Variants in TP73 observed in about 807,000 individuals in gnomAD.
The protein encoded by TP73 is p53-like transcription factor.
A neutral mutation model predicts 62.5 loss-of-function variants in TP73; 25 were observed. That is an observed-to-expected ratio of 0.40 (90% CI 0.29 to 0.56). TP73 has a LOEUF of 0.56. Ranked by LOEUF, TP73 falls within the 20% of genes least tolerant of loss-of-function variation. The pLI is 0.46. For synonymous variants in TP73, 423 were observed against 377.5 expected, an observed-to-expected ratio of 1.12 and a Z score of -1.40; for missense variants, 754 against 913.3, an observed-to-expected ratio of 0.83 and a Z score of 2.25.
chr1:3,724,890 A>T (rs1360404605), intron 6 of TP73, among the ~76,000 whole-genome samples: 1 of 152,216 alleles, frequency 6.6e-6, no homozygotes, highest in Admixed American at 6.5e-5. Context: ...CTCGTGGCGC[A>T]TGCCTGTAAT....
chr1:3,711,158 T>A (rs1057214820), intron 4 of TP73, among the ~76,000 whole-genome samples: 2 of 152,174 alleles, frequency 1.3e-5, no homozygotes, highest in African/African-American at 4.8e-5. Context: ...CCAGCCATGG[T>A]GGGGACAAAG....
Position 3,701,562 on chromosome 1 carries a change from T to G in TP73, c.187-5987T>G, listed in dbSNP as rs1016458520. The stretch of plus-strand genomic sequence containing the variant: ...CTCTGTCACCCAGGCTGGAGTGCTG[T>G]GGCGTGATCTCAGCTCACTGCAACC... On this transcript the variant is annotated intron_variant, in intron 3 of 13. Transcript: ENST00000378295. The surrounding 1 kb of genome is among the most constrained non-coding windows in gnomAD (Gnocchi z 4.7). Among the ~76,000 whole-genome samples, 19 of 152,222 alleles carry G rather than the reference T, an allele frequency of 1.2e-4. No homozygotes were observed. Among genetic ancestry groups the G allele is most frequent in the Non-Finnish European group, 2.6e-4 (18 of 68,036 alleles).
At chr1:3,727,367 C>A in intron 7 of TP73, 143 bp downstream of exon 7, 1 of 977,034 alleles carries the variant, frequency 1.0e-6, no homozygotes, top group Non-Finnish European at 1.5e-6. Context: ...GAAGGAACCG[C>A]CCCCTGGCCT....
intron 4 of TP73, among the ~76,000 whole-genome samples, chr1:3,720,742 C>T (rs563001343): frequency 6.6e-6 from 1 of 152,370 alleles, no homozygotes; most frequent in East Asian, 1.9e-4. Context: ...CCCCTCATGT[C>T]CCTTGATGGC....
At chr1:3,658,755 C>A (rs1005079351) in intron 1 of TP73, among the ~76,000 whole-genome samples, 1 of 150,686 alleles carries the variant, frequency 6.6e-6, no homozygotes, top group African/African-American at 2.4e-5. Flanking sequence ...GTCAACATGG[C>A]ATATTTTGGG....
chr1:3,731,097 C>T, intron 12 of TP73, 32 bp downstream of exon 12: 1 of 1,597,822 alleles, frequency 6.3e-7, no homozygotes, highest in African/African-American at 1.3e-5. Context: ...TGAGCATGTG[C>T]TGTCACCCTG....
chr1:3,701,903 T>G lies in TP73; in HGVS notation c.187-5646T>G, dbSNP rs933277907. ...CAGGTTACACAGGTGGAGCTGAGAC[T>G]TGGCCCCAGGACTCCTGACCTCAGA... On this transcript the variant is annotated intron_variant, in intron 3 of 13. Coordinates refer to ENST00000378295, the MANE Select transcript of TP73 (RefSeq NM_005427.4). The surrounding 1 kb of genome is among the most constrained non-coding windows in gnomAD (Gnocchi z 4.7). Among the ~76,000 whole-genome samples, 2 of 152,166 alleles carry G rather than the reference T, an allele frequency of 1.3e-5. No homozygotes were observed. Among genetic ancestry groups the G allele is most frequent in the African/African-American group, 4.8e-5 (2 of 41,438 alleles).
chr1:3,663,837 A>G lies in TP73; in HGVS notation c.-34+11196A>G, dbSNP rs1042029519. Among the ~76,000 whole-genome samples the G allele has an allele frequency of 5.3e-5, 8 of 152,250 alleles. No homozygotes were observed. Among genetic ancestry groups the G allele is most frequent in the Admixed American group, 2.6e-4 (4 of 15,302 alleles). ...GACCTAATTCAGAGGAAGGCCAGAG[A>G]ACTCTTTTATGGCCTGCCTCAGGGT... On this transcript the variant is annotated intron_variant, in intron 1 of 13. Coordinates refer to ENST00000378295, the MANE Select transcript of TP73 (RefSeq NM_005427.4). The surrounding 1 kb of genome is among the most constrained non-coding windows in gnomAD (Gnocchi z 4.7).
chr1:3,729,851 T>C, intron 10 of TP73, 149 bp from the exon 11 acceptor site: 1 of 1,195,160 alleles, frequency 8.4e-7, no homozygotes, highest in South Asian at 1.5e-5. Context: ...TGGCCATGGT[T>C]GGGGACAGGG....
intron 10 of TP73, 55 bp downstream of exon 10, chr1:3,729,503 C>T (rs545473501): frequency 2.5e-6 from 4 of 1,609,362 alleles, no homozygotes; most frequent in African/African-American, 2.7e-5. Flanking sequence ...GGCTTAACCC[C>T]CCAGGAGAAG....
rs530585644 is a variant in TP73, at chr1:3,723,021, C to T, written c.617-333C>T. 1.6e-4 allele frequency among the ~76,000 whole-genome samples: 21 copies of T among 131,582 alleles called. No homozygotes were observed. In the South Asian group the frequency reaches 3.9e-3, roughly 24 times the overall value. The allele number at this position is 131,582 out of a possible 152,430, so 86.3% of individuals were successfully genotyped here. On this transcript the variant is annotated intron_variant, in intron 5 of 13. Coordinates refer to ENST00000378295, the MANE Select transcript of TP73 (RefSeq NM_005427.4). ...GGCTGGGCATCTCTGCACCTGACAC[C>T]GGGGTGGGCACCTCTCTGCACCTGG...
intron 13 of TP73, 26 bp from the exon 14 acceptor site, chr1:3,732,721 G>T (rs770410944): frequency 9.7e-6 from 15 of 1,545,432 alleles, no homozygotes; most frequent in Non-Finnish European, 1.2e-5. Flanking sequence ...ACTGCCCCCT[G>T]CCCCTAATGC....
intron 5 of TP73, among the ~76,000 whole-genome samples, 171 bp downstream of exon 5, chr1:3,722,378 G>A (rs1398169204): frequency 6.6e-6 from 1 of 152,160 alleles, no homozygotes; most frequent in Non-Finnish European, 1.5e-5. Flanking sequence ...AGTTCTGAGT[G>A]GGACCTGGGG....
chr1:3,729,095 A>G (rs1230892570), intron 9 of TP73, among the ~76,000 whole-genome samples: 1 of 152,212 alleles, frequency 6.6e-6, no homozygotes, highest in African/African-American at 2.4e-5. Context: ...GGCCACAAGG[A>G]GCAGGCATGG....
chr1:3,704,852 T>G (rs1639495557), intron 3 of TP73, among the ~76,000 whole-genome samples: 1 of 152,136 alleles, frequency 6.6e-6, no homozygotes, highest in Non-Finnish European at 1.5e-5. Flanking sequence ...CAGGGGTCCA[T>G]CCTCTGTGCC....
intron 1 of TP73, among the ~76,000 whole-genome samples, chr1:3,673,646 C>T (rs566622672): frequency 2.6e-5 from 4 of 152,124 alleles, no homozygotes; most frequent in African/African-American, 2.4e-5. Flanking sequence ...AGTGTGTGCC[C>T]GGCAGTGCTG....
chr1:3,692,698 G>A (rs1570466854), intron 3 of TP73, among the ~76,000 whole-genome samples: 1 of 152,220 alleles, frequency 6.6e-6, no homozygotes, highest in East Asian at 1.9e-4. Context: ...GTCGCTGCCT[G>A]GCCAGCCGAG....
intron 4 of TP73, among the ~76,000 whole-genome samples, chr1:3,713,498 G>C (rs531653537): frequency 2.0e-5 from 3 of 152,320 alleles, no homozygotes; most frequent in East Asian, 3.9e-4. Context: ...GGGGCAAGGT[G>C]GGGGGCTCAG....
Position 3,707,586 on chromosome 1 carries a change from T to A in TP73, c.224T>A (p.Met75Lys). The A allele has an allele frequency of 2.5e-6, 4 of 1,612,332 alleles. No homozygotes were observed. The highest frequency in any genetic ancestry group is 3.4e-6 in the Non-Finnish European group (4 of 1,179,662). ...FNLLSSTMDQ[M>K]SSRAASASPY... ...CTGCTGAGCAGCACCATGGACCAGATGAGCAGCCGCGCGGCCTCGGCCAGC... is the reference window on the plus strand; with the variant it reads ...CTGCTGAGCAGCACCATGGACCAGAAGAGCAGCCGCGCGGCCTCGGCCAGC... The change falls in exon 4 of 14, where the codon ATG (methionine) becomes AAG (lysine). Residue 75 changes from methionine (M) to lysine (K), a missense_variant. By Grantham distance (95) the Met-to-Lys change is moderately conservative. Transcript: ENST00000378295.
Sources: allele counts gnomAD v4.1 joint callset (sites outside exome capture counted in the v4.1 genomes callset), GRCh38; gene constraint gnomAD v4.1.1; non-coding constraint Gnocchi (gnomAD v3.1); transcripts MANE v1.5; gene names NCBI Gene and HGNC (gene_info 2026-07-23, HGNC 2026-07-21).